Variants in TXLNB observed in about 807,000 individuals in gnomAD.
The protein encoded by TXLNB is beta-taxilin.
A neutral mutation model predicts 57.4 loss-of-function variants in TXLNB; 37 were observed. The ratio of observed to expected loss-of-function variants is 0.64; its 90% CI spans 0.50 to 0.85. The LOEUF (loss-of-function observed/expected upper bound fraction) is 0.85. TXLNB is among the 40% of genes least tolerant of loss of function. The pLI is 0.00. For missense variants in TXLNB, 848 were observed against 825.6 expected (o/e 1.03, Z -0.33); for synonymous variants, 302 against 309.6 (o/e 0.98, Z 0.26).
chr6:139,226,302 CAAAAAAAAA>C, the TXLNB span, among the ~76,000 whole-genome samples: 2 of 39,246 alleles, frequency 5.1e-5, no homozygotes, highest in South Asian at 1.9e-3. Context: ...GACCCTGTCT[CAAAAAAAAA>C]AAAAAAAAAA....
Position 139,270,550 on chromosome 6 carries a change from T to A in TXLNB, c.593A>T (p.Asp198Val), listed in dbSNP as rs200899286. The A allele has an allele frequency of 1.2e-4, 190 of 1,614,192 alleles. 1 individual carries two copies. In the East Asian group the frequency reaches 3.8e-3, roughly 32 times the overall value. The change falls in exon 4 of 10, where the codon GAC becomes GTC. Residue 198 changes from aspartate (D) to valine (V), a missense_variant. Transcript: ENST00000358430. Reference protein sequence around the residue: ...KKQVQIQKEKDQLQGEHSRAI... With the variant: ...KKQVQIQKEKVQLQGEHSRAI... ...TCTGCTGTGTTCACCTTGTAACTGG[T>A]CCTTTTCTTTTTGAATTTGTACCTG...
the TXLNB span, among the ~76,000 whole-genome samples, chr6:139,181,252 C>G: frequency 6.6e-6 from 1 of 152,240 alleles, no homozygotes; most frequent in Non-Finnish European, 1.5e-5. Flanking sequence ...ATCAAACTTA[C>G]TAGCCATACA....
chr6:139,321,604 A>G, the TXLNB span, among the ~76,000 whole-genome samples: 1 of 92,342 alleles, frequency 1.1e-5, no homozygotes, highest in Non-Finnish European at 2.2e-5. Context: ...AAACTTTTAC[A>G]TTTATGTCTC....
chr6:139,179,819 T>A, the TXLNB span: 1 of 152,194 alleles, frequency 6.6e-6, no homozygotes, highest in African/African-American at 2.4e-5. Context: ...ACCCAAGAGA[T>A]CCAATTTGTT....
the TXLNB span, among the ~76,000 whole-genome samples, chr6:139,317,991 C>T: frequency 6.6e-6 from 1 of 151,852 alleles, no homozygotes; most frequent in Non-Finnish European, 1.5e-5. Context: ...GATTATGGGG[C>T]CGGGCACGGT....
chr6:139,211,769 C>T, the TXLNB span, among the ~76,000 whole-genome samples: 1 of 152,134 alleles, frequency 6.6e-6, no homozygotes, highest in Non-Finnish European at 1.5e-5. Context: ...ATAACCAATG[C>T]AGAGAAGTCC....
chr6:139,195,885 C>T, the TXLNB span, among the ~76,000 whole-genome samples: 216 of 152,084 alleles, frequency 1.4e-3, 1 homozygote, highest in African/African-American at 5.0e-3. Flanking sequence ...TCTCCAAATA[C>T]GTCTGCTGAG....
At chr6:139,310,538 C>G in the TXLNB span, among the ~76,000 whole-genome samples, 1 of 152,222 alleles carries the variant, frequency 6.6e-6, no homozygotes, top group Non-Finnish European at 1.5e-5. Flanking sequence ...GATAGCCACT[C>G]TATCTCTCTG....
At chr6:139,263,570 T>C (rs1459360050) in intron 4 of TXLNB, among the ~76,000 whole-genome samples, 1 of 152,242 alleles carries the variant, frequency 6.6e-6, no homozygotes, top group Non-Finnish European at 1.5e-5. Flanking sequence ...AATTAACTTT[T>C]ATATCATTTC....
the TXLNB span, among the ~76,000 whole-genome samples, chr6:139,187,812 T>C: frequency 1.1e-3 from 167 of 152,344 alleles, 4 homozygotes; most frequent in South Asian, 0.033. Flanking sequence ...GAGAGAAGAT[T>C]CTACTGCTCA....
chr6:139,200,391 G>T, the TXLNB span, among the ~76,000 whole-genome samples: 1 of 152,170 alleles, frequency 6.6e-6, no homozygotes, highest in African/African-American at 2.4e-5. Context: ...TACCCATAGG[G>T]TGAGAGAAAT....
Position 139,240,697 on chromosome 6 carries a change from T to G in TXLNB, c.*1829A>C, listed in dbSNP as rs1015443351. ...TAAGCCTTTAAAAATATACAGATTC[T>G]CAAATAGCGACAAGCTTTTTTCCTG... On this transcript the variant is annotated 3_prime_UTR_variant, in exon 10 of 10. Coordinates refer to ENST00000358430, the MANE Select transcript of TXLNB (RefSeq NM_153235.4). The G allele has an allele frequency of 4.6e-5, 7 of 152,682 alleles. No homozygotes were observed. Among genetic ancestry groups the G allele is most frequent in the African/African-American group, 1.7e-4 (7 of 41,466 alleles). 9.5% of individuals were successfully genotyped at this position (152,682 alleles called of 1,614,324 possible).
At chr6:139,233,106 C>T in the TXLNB span, among the ~76,000 whole-genome samples, 3 of 151,830 alleles carry the variant, frequency 2.0e-5, no homozygotes, top group Non-Finnish European at 4.4e-5. Context: ...AATGTAAACA[C>T]TCAAATCTGG....
chr6:139,311,510 T>TG, the TXLNB span, among the ~76,000 whole-genome samples: 11 of 63,832 alleles, frequency 1.7e-4, no homozygotes, highest in Non-Finnish European at 2.8e-4. Context: ...TTTTGGGGGG[T>TG]GGGGGGGTGT....
the TXLNB span, chr6:139,178,237 A>T: frequency 6.6e-6 from 1 of 152,232 alleles, no homozygotes; most frequent in African/African-American, 2.4e-5. Context: ...ACTGTTGATG[A>T]AAAAGGATGA....
chr6:139,251,907 ACT>A (rs1262147494), intron 7 of TXLNB, among the ~76,000 whole-genome samples: 2 of 151,988 alleles, frequency 1.3e-5, no homozygotes, highest in East Asian at 1.9e-4. Flanking sequence ...GACTTTAAAG[ACT>A]CTGATTACAT....
the TXLNB span, among the ~76,000 whole-genome samples, chr6:139,201,513 C>G: frequency 1.3e-5 from 2 of 152,098 alleles, no homozygotes; most frequent in Non-Finnish European, 2.9e-5. Flanking sequence ...CTCAAGCTAC[C>G]TTACAAAAAT....
chr6:139,191,135 T>A, the TXLNB span, among the ~76,000 whole-genome samples: 1 of 151,826 alleles, frequency 6.6e-6, no homozygotes, highest in Non-Finnish European at 1.5e-5. Context: ...ATCCAGTTTA[T>A]CTGGCCAGGC....
rs940927334 is a variant in TXLNB at position 139,252,575 on chromosome 6, G to C, written c.1077+2989C>G. 1.3e-4 allele frequency among the ~76,000 whole-genome samples: 20 copies of C among 152,302 alleles called. No homozygotes were observed. In the East Asian group the frequency reaches 3.5e-3, roughly 26 times the overall value. On this transcript the variant is annotated intron_variant, in intron 7 of 9. Coordinates refer to ENST00000358430, the MANE Select transcript of TXLNB (RefSeq NM_153235.4). Reference sequence around the variant, plus strand: ...GAACACTGCAGGCAATGGACAAGGCGGGGTCAACTTAGCTTAGGGCCACAC... The same window carrying C: ...GAACACTGCAGGCAATGGACAAGGCCGGGTCAACTTAGCTTAGGGCCACAC...
Sources: gnomAD v4.1 joint callset for allele counts (sites outside exome capture counted in the v4.1 genomes callset) on GRCh38, gnomAD v4.1.1 for gene constraint, MANE v1.5 for transcripts, NCBI Gene and HGNC (gene_info 2026-07-23, HGNC 2026-07-21) for gene names.